ASIC2: variants seen among roughly 807,000 people sequenced by gnomAD.
ASIC2 encodes the protein acid sensing ion channel subunit 2.
A neutral mutation model predicts 57.3 loss-of-function variants in ASIC2; 25 were observed. That is an observed-to-expected ratio of 0.44 (90% CI 0.32 to 0.61). ASIC2 has a LOEUF of 0.61. Among genes scored for constraint, ASIC2 ranks in the 20% least tolerant of loss-of-function variants. ASIC2 has a pLI of 0.06. For missense variants in ASIC2, 641 were observed against 738.1 expected (o/e 0.87, Z 1.52); for synonymous variants, 319 against 307.5 (o/e 1.04, Z -0.39).
At chr17:33,842,986 A>G (rs1303099849) in intron 1 of ASIC2, among the ~76,000 whole-genome samples, 1 of 152,232 alleles carries the variant, frequency 6.6e-6, no homozygotes, top group Admixed American at 6.5e-5. Flanking sequence ...CTCCCCAGCT[A>G]TGGATTTGGC....
At chr17:33,549,238 G>T (rs985338077) in intron 1 of ASIC2, among the ~76,000 whole-genome samples, 1 of 152,126 alleles carries the variant, frequency 6.6e-6, no homozygotes, top group Non-Finnish European at 1.5e-5. Context: ...AACACTTTAG[G>T]ATACTTTGAA....
intron 1 of ASIC2, among the ~76,000 whole-genome samples, chr17:33,742,404 T>A (rs2142098669): frequency 6.6e-6 from 1 of 152,216 alleles, no homozygotes; most frequent in African/African-American, 2.4e-5. Context: ...ATTTTTTTGA[T>A]CCCCACTCCC....
At chr17:33,714,985 T>TTTAGTA (rs1909169554) in intron 1 of ASIC2, among the ~76,000 whole-genome samples, 1 of 142,200 alleles carries the variant, frequency 7.0e-6, no homozygotes. Flanking sequence ...GCCAGGCTAA[T>TTTAGTA]TTATTATTAT....
chr17:33,802,870 A>T (rs773177989), intron 1 of ASIC2, among the ~76,000 whole-genome samples: 1 of 152,198 alleles, frequency 6.6e-6, no homozygotes, highest in Non-Finnish European at 1.5e-5. Flanking sequence ...GGGCAATTCC[A>T]CAATGACTCT....
chr17:34,094,539 C>T (rs192559422), intron 1 of ASIC2, among the ~76,000 whole-genome samples: 1 of 152,326 alleles, frequency 6.6e-6, no homozygotes, highest in East Asian at 1.9e-4. Flanking sequence ...CCAAGGCACA[C>T]AGTTACACAG....
At chr17:34,114,486 A>G (rs771426250) in intron 1 of ASIC2, among the ~76,000 whole-genome samples, 2 of 152,180 alleles carry the variant, frequency 1.3e-5, no homozygotes, top group African/African-American at 2.4e-5. Context: ...CAAGGAAAAA[A>G]TAATACCCAA....
intron 1 of ASIC2, among the ~76,000 whole-genome samples, chr17:33,186,832 G>T (rs1014454680): frequency 6.6e-6 from 1 of 152,158 alleles, no homozygotes; most frequent in East Asian, 1.9e-4. Context: ...TGATAAGTAG[G>T]TGCTTCATGA....
At chr17:33,879,401 G>A (rs1567743846) in intron 1 of ASIC2, among the ~76,000 whole-genome samples, 2 of 152,174 alleles carry the variant, frequency 1.3e-5, no homozygotes, top group Non-Finnish European at 2.9e-5. Flanking sequence ...CAAAATAAAG[G>A]GATGGAGGAA....
At chr17:33,373,751 C>T (rs1302534921) in intron 1 of ASIC2, among the ~76,000 whole-genome samples, 2 of 152,124 alleles carry the variant, frequency 1.3e-5, no homozygotes, top group African/African-American at 4.8e-5. Context: ...GATCTTGGCT[C>T]ACTGCAATCT....
intron 7 of ASIC2, 30 bp from the exon 8 acceptor site, chr17:33,017,714 T>TGCTTTTATGCA (rs2091814418): frequency 6.3e-7 from 1 of 1,592,562 alleles, no homozygotes; most frequent in Non-Finnish European, 8.6e-7. Context: ...ACCAAAGCTT[T>TGCTTTTATGCA]GCTTTTATGC....
chr17:33,580,801 A>T (rs1308460151), intron 1 of ASIC2, among the ~76,000 whole-genome samples: 4 of 152,212 alleles, frequency 2.6e-5, no homozygotes, highest in Non-Finnish European at 5.9e-5. Context: ...ATGAAAAATA[A>T]CTAAGTTCTT....
intron 1 of ASIC2, among the ~76,000 whole-genome samples, chr17:33,589,540 T>A (rs1412221503): frequency 3.9e-5 from 6 of 152,046 alleles, no homozygotes; most frequent in Non-Finnish European, 8.8e-5. Context: ...TCACCCCAGC[T>A]CCTGGAAACC....
intron 1 of ASIC2, among the ~76,000 whole-genome samples, chr17:33,375,107 C>T (rs1909227987): frequency 6.6e-6 from 1 of 152,128 alleles, no homozygotes; most frequent in African/African-American, 2.4e-5. Flanking sequence ...ATAGTAAATA[C>T]ATAGTATGTC....
chr17:33,383,494 A>T (rs755070986), intron 1 of ASIC2, among the ~76,000 whole-genome samples: 1 of 152,214 alleles, frequency 6.6e-6, no homozygotes, highest in Non-Finnish European at 1.5e-5. Context: ...AGTGACTGGC[A>T]ATTCCAGGCT....
At chr17:33,182,299 G>C (rs1203147223) in intron 1 of ASIC2, among the ~76,000 whole-genome samples, 2 of 152,166 alleles carry the variant, frequency 1.3e-5, no homozygotes, top group Non-Finnish European at 2.9e-5. Context: ...TTTTTGACCT[G>C]AGCACCTGGA....
At chr17:33,084,742 C>T (rs573467611) in intron 3 of ASIC2, among the ~76,000 whole-genome samples, 1 of 152,274 alleles carries the variant, frequency 6.6e-6, no homozygotes, top group African/African-American at 2.4e-5. Flanking sequence ...TCTATTTCTC[C>T]TTCCAGCATA....
chr17:34,082,408 A>G (rs1028508439), intron 1 of ASIC2, among the ~76,000 whole-genome samples: 1 of 152,222 alleles, frequency 6.6e-6, no homozygotes, highest in Non-Finnish European at 1.5e-5. Context: ...GTATCACAAA[A>G]CTGTGACATT....
intron 1 of ASIC2, among the ~76,000 whole-genome samples, chr17:33,634,555 G>T (rs191450889): frequency 1.6e-5 from 2 of 128,610 alleles, no homozygotes; most frequent in African/African-American, 6.0e-5. Flanking sequence ...TCACTCTGTC[G>T]CCCAGGCTGG....
chr17:33,501,782 C>T (rs1421673240), intron 1 of ASIC2, among the ~76,000 whole-genome samples: 1 of 152,174 alleles, frequency 6.6e-6, no homozygotes, highest in African/African-American at 2.4e-5. Flanking sequence ...CATAAAAGGC[C>T]ATCCTAAAGA....
Sources: gnomAD v4.1 joint callset for allele counts (sites outside exome capture counted in the v4.1 genomes callset) on GRCh38, gnomAD v4.1.1 for gene constraint, MANE v1.5 for transcripts, NCBI Gene and HGNC (gene_info 2026-07-23, HGNC 2026-07-21) for gene names.